Variants in LRP1B observed in about 807,000 individuals in gnomAD.
The protein encoded by LRP1B is low-density lipoprotein receptor-related protein 1B.
In LRP1B, 217 loss-of-function variants were observed where a neutral mutation model predicts 556.6. The ratio of observed to expected loss-of-function variants is 0.39; its 90% CI spans 0.35 to 0.44. LRP1B has a LOEUF of 0.44. Among genes scored for constraint, LRP1B ranks in the 20% least tolerant of loss-of-function variants. The pLI is 1.00. For missense variants in LRP1B, 5,053 were observed against 5,620.8 expected (o/e 0.90, Z 3.23); for synonymous variants, 2,047 against 1,865.8 (o/e 1.10, Z -2.50).
chr2:140,667,434 C>T (rs16844443), intron 41 of LRP1B, among the ~76,000 whole-genome samples: 13,741 of 152,126 alleles, frequency 0.09, 788 homozygotes, highest in East Asian at 0.25. Flanking sequence ...TGCTAAGGCT[C>T]CAAGCTAGAA....
intron 87 of LRP1B, among the ~76,000 whole-genome samples, chr2:140,245,007 A>AAG: frequency 6.6e-6 from 1 of 151,464 alleles, no homozygotes; most frequent in Admixed American, 6.6e-5. Context: ...TACTGAGGCA[A>AAG]GTTTCTCGAA....
At chr2:140,964,283 G>A (rs187614391) in intron 18 of LRP1B, among the ~76,000 whole-genome samples, 2 of 152,246 alleles carry the variant, frequency 1.3e-5, no homozygotes, top group South Asian at 2.1e-4. Flanking sequence ...GACTAGGAGC[G>A]TGACCACTGA....
chr2:140,478,037 C>A (rs1688043601), intron 59 of LRP1B, among the ~76,000 whole-genome samples: 2 of 150,882 alleles, frequency 1.3e-5, no homozygotes, highest in Non-Finnish European at 2.9e-5. Flanking sequence ...GTTGTGCTTA[C>A]AAATAGTTCT....
At position 141,480,446 on chromosome 2, in the gene LRP1B, T is replaced by C. The variant is rs371646218; in HGVS notation, c.293A>G (p.Asn98Ser). The C allele has an allele frequency of 3.6e-5, 58 of 1,613,892 alleles. No homozygotes were observed. The highest frequency in any genetic ancestry group is 4.7e-5 in the Non-Finnish European group (56 of 1,179,932). Residue 98 changes from asparagine (N) to serine (S), a missense_variant, in exon 3 of 91, where the codon AAT becomes AGT. By Grantham distance (46) the Asn-to-Ser change is conservative. Transcript: ENST00000389484. ...NKCVHLSQLCNGVLDCPDGYD... is the reference protein window; with the variant it reads ...NKCVHLSQLCSGVLDCPDGYD... The stretch of plus-strand genomic sequence containing the variant: ...CCCATCTGGGCAGTCCAAGACACCA[T>C]TGCACAGCTGGGATAAATGAACACA...
intron 32 of LRP1B, among the ~76,000 whole-genome samples, chr2:140,806,205 G>A (rs2105019578): frequency 1.3e-5 from 2 of 152,182 alleles, no homozygotes; most frequent in South Asian, 4.1e-4. Context: ...AGAACTGTGA[G>A]AAATAAATTT....
At chr2:141,594,100 A>G (rs1047634149) in intron 2 of LRP1B, among the ~76,000 whole-genome samples, 1 of 152,088 alleles carries the variant, frequency 6.6e-6, no homozygotes, top group Non-Finnish European at 1.5e-5. Flanking sequence ...TCACAAGCCA[A>G]TCAGCATGCA....
intron 1 of LRP1B, among the ~76,000 whole-genome samples, chr2:142,049,298 C>T (rs1020422971): frequency 2.2e-4 from 34 of 152,068 alleles, no homozygotes; most frequent in African/African-American, 7.7e-4. Flanking sequence ...AATAAAAGCA[C>T]ACATCATATT....
At chr2:140,720,061 G>A (rs1687347970) in intron 35 of LRP1B, among the ~76,000 whole-genome samples, 1 of 151,968 alleles carries the variant, frequency 6.6e-6, no homozygotes, top group African/African-American at 2.4e-5. Context: ...GATACAAAAT[G>A]GAGATAGTTG....
In LRP1B at chr2:141,286,909, T is replaced by G. The variant is rs183086802; in HGVS notation, c.344-32268A>C. ...CCCAATCTGGTAACTAATAGCCATA[T>G]GTGGCTACTGAGGACTTGAAATGAG... On this transcript the variant is annotated intron_variant, in intron 3 of 90. Coordinates refer to ENST00000389484, the MANE Select transcript of LRP1B (RefSeq NM_018557.3). 721 of 247,366 alleles carry G rather than the reference T, an allele frequency of 2.9e-3. 3 individuals carry two copies. The highest frequency in any genetic ancestry group is 6.6e-3 in the Middle Eastern group (4 of 606). The allele number at this position is 247,366 out of a possible 1,614,324, so 15.3% of individuals were successfully genotyped here.
chr2:140,295,470 G>A (rs1248952992), intron 84 of LRP1B, among the ~76,000 whole-genome samples: 9 of 152,104 alleles, frequency 5.9e-5, no homozygotes, highest in African/African-American at 1.9e-4. Flanking sequence ...CAGATAAGCC[G>A]ATGATTATAG....
chr2:140,559,206 G>GTT (rs200924934), intron 43 of LRP1B, among the ~76,000 whole-genome samples: 1 of 150,480 alleles, frequency 6.6e-6, no homozygotes, highest in Non-Finnish European at 1.5e-5. Context: ...TAAATTAACT[G>GTT]TTTTTTTTTA....
chr2:140,928,895 T>A (rs964671997), intron 20 of LRP1B, among the ~76,000 whole-genome samples: 13 of 151,780 alleles, frequency 8.6e-5, no homozygotes, highest in Non-Finnish European at 1.6e-4. Context: ...AAAAGAAAAA[T>A]ATATATAATG....
chr2:141,150,490 C>T (rs1244693457), intron 7 of LRP1B, among the ~76,000 whole-genome samples: 1 of 152,158 alleles, frequency 6.6e-6, no homozygotes, highest in Non-Finnish European at 1.5e-5. Context: ...CTTTGTCCAT[C>T]TATGCATGTC....
At chr2:141,866,507 A>G (rs532924948) in intron 1 of LRP1B, among the ~76,000 whole-genome samples, 5 of 152,332 alleles carry the variant, frequency 3.3e-5, no homozygotes, top group South Asian at 2.1e-4. Flanking sequence ...GAGAGGATAT[A>G]TCATTTATTC....
intron 1 of LRP1B, among the ~76,000 whole-genome samples, chr2:141,986,882 G>A (rs1702202882): frequency 6.6e-6 from 1 of 151,976 alleles, no homozygotes; most frequent in East Asian, 1.9e-4. Context: ...ATCTATTTAT[G>A]AGAGGCATAA....
chr2:140,920,161 C>T (rs1694695215), intron 21 of LRP1B, among the ~76,000 whole-genome samples: 1 of 152,032 alleles, frequency 6.6e-6, no homozygotes, highest in South Asian at 2.1e-4. Flanking sequence ...ATTCACTTCC[C>T]TTTTCCCCAC....
chr2:141,993,407 G>A (rs1386573562), intron 1 of LRP1B, among the ~76,000 whole-genome samples: 1 of 136,604 alleles, frequency 7.3e-6, no homozygotes, highest in South Asian at 2.5e-4. Flanking sequence ...GCTGCTGCTG[G>A]GGGCTCCACT....
intron 66 of LRP1B, among the ~76,000 whole-genome samples, chr2:140,395,881 A>AT (rs921014236): frequency 3.0e-4 from 46 of 151,242 alleles, no homozygotes; most frequent in African/African-American, 8.7e-4. Flanking sequence ...AGAATTTGTG[A>AT]TTTTTTTTTC....
At position 140,716,054 on chromosome 2, in the gene LRP1B, C is replaced by T. The variant is rs2105461715; in HGVS notation, c.5942G>A (p.Arg1981Lys). 2 of 1,608,122 alleles carry T rather than the reference C, an allele frequency of 1.2e-6. No homozygotes were observed. The highest frequency in any genetic ancestry group is 1.7e-6 in the Non-Finnish European group (2 of 1,175,370). The change falls in exon 37 of 91, where the codon AGA becomes AAA. Residue 1981 changes from arginine (R) to lysine (K), a missense_variant. By Grantham distance (26) the Arg-to-Lys change is conservative. Transcript: ENST00000389484. ...DHGFNLIEVA[R>K]LNGSFRYVII... ...TACATAACGGAAAGAACCATTGAGTCTTGCAACTTCAATTAAGTTGAAACC... is the reference window on the plus strand; with the variant it reads ...TACATAACGGAAAGAACCATTGAGTTTTGCAACTTCAATTAAGTTGAAACC...
Sources: gnomAD v4.1 joint callset for allele counts (sites outside exome capture counted in the v4.1 genomes callset) on GRCh38, gnomAD v4.1.1 for gene constraint, MANE v1.5 for transcripts, NCBI Gene and HGNC (gene_info 2026-07-23, HGNC 2026-07-21) for gene names.